MBNL2: variants seen among roughly 807,000 people sequenced by gnomAD.
The protein encoded by MBNL2 is muscleblind-like protein 2.
MBNL2 carries 17 observed loss-of-function variants against 41.9 expected under a neutral mutation model. The observed-to-expected ratio is 0.41, with a 90% CI of 0.28 to 0.61. The LOEUF is 0.61. Among genes scored for constraint, MBNL2 ranks in the 20% least tolerant of loss-of-function variants. The probability of loss-of-function intolerance (pLI) is 0.35; values close to 1 mark genes in which losing one functional copy is unlikely to be tolerated. For missense variants in MBNL2, 336 were observed against 505.6 expected, an observed-to-expected ratio of 0.66 and a Z score of 3.22; for synonymous variants, 195 against 182.9, an observed-to-expected ratio of 1.07 and a Z score of -0.53.
intron 2 of MBNL2, among the ~76,000 whole-genome samples, chr13:97,297,155 T>G (rs185394965): frequency 1.3e-4 from 20 of 152,304 alleles, no homozygotes; most frequent in Non-Finnish European, 2.2e-4. Flanking sequence ...TCTGTTAACT[T>G]TTCTGCTTTC....
At chr13:97,235,575 A>T (rs955514158) in intron 1 of MBNL2, among the ~76,000 whole-genome samples, 3 of 152,156 alleles carry the variant, frequency 2.0e-5, no homozygotes, top group African/African-American at 7.2e-5. Flanking sequence ...GTGGCTGTGG[A>T]TTTTTATTTG....
In MBNL2 at chr13:97,222,498, C is replaced by T. The variant is rs2040953390; in HGVS notation, c.-638C>T. 2.5e-6 allele frequency: 1 copy of T among 398,604 alleles called. No homozygotes were observed. The highest frequency in any genetic ancestry group is 4.4e-6 in the Non-Finnish European group (1 of 226,062). The allele number at this position is 398,604 out of a possible 1,614,324, so 24.7% of individuals were successfully genotyped here. ...GTTCTGCCAGATGTTCCTGGGGTTA[C>T]TGTAAATGGGAAGGACAGGCAGAGC... is the stretch of plus-strand genomic sequence containing the variant. On this transcript the variant is annotated 5_prime_UTR_variant, in exon 1 of 9. Transcript: ENST00000679496.
intron 2 of MBNL2, among the ~76,000 whole-genome samples, chr13:97,306,400 T>A (rs2058128465): frequency 6.6e-6 from 1 of 152,204 alleles, no homozygotes; most frequent in African/African-American, 2.4e-5. Flanking sequence ...CACTCTCACT[T>A]TTTCTCACTT....
At chr13:97,205,100 G>C in the MBNL2 span, among the ~76,000 whole-genome samples, 1 of 150,980 alleles carries the variant, frequency 6.6e-6, no homozygotes, top group Non-Finnish European at 1.5e-5. Flanking sequence ...GAACCCGGGA[G>C]GTGGAGGTTG....
At chr13:97,360,294 A>G (rs1482703741) in intron 7 of MBNL2, among the ~76,000 whole-genome samples, 1 of 152,222 alleles carries the variant, frequency 6.6e-6, no homozygotes, top group Non-Finnish European at 1.5e-5. Flanking sequence ...TTCTGCCTCC[A>G]GGTTGCAAAG....
At chr13:97,245,994 T>A (rs949500300) in intron 1 of MBNL2, among the ~76,000 whole-genome samples, 1 of 152,158 alleles carries the variant, frequency 6.6e-6, no homozygotes, top group African/African-American at 2.4e-5. Context: ...TTCTCCCTAA[T>A]TTAATGCTCC....
chr13:97,307,416 G>C (rs372138985), intron 2 of MBNL2, among the ~76,000 whole-genome samples: 1 of 151,472 alleles, frequency 6.6e-6, no homozygotes, highest in East Asian at 1.9e-4. Context: ...AACCTGGAGC[G>C]TATTTTCCCT....
intron 2 of MBNL2, among the ~76,000 whole-genome samples, chr13:97,302,880 G>A (rs16954010): frequency 0.046 from 7,073 of 152,262 alleles, 519 homozygotes; most frequent in African/African-American, 0.16. Context: ...GTGCCCTGCA[G>A]CCAAGCGTGT....
intron 1 of MBNL2, among the ~76,000 whole-genome samples, chr13:97,245,390 C>G (rs2045255267): frequency 6.6e-6 from 1 of 152,072 alleles, no homozygotes; most frequent in Non-Finnish European, 1.5e-5. Context: ...CATTTGCTAC[C>G]CTTGGCATAT....
At chr13:97,164,516 T>C in the MBNL2 span, among the ~76,000 whole-genome samples, 1 of 152,076 alleles carries the variant, frequency 6.6e-6, no homozygotes, top group Non-Finnish European at 1.5e-5. Flanking sequence ...AAGAAAACAA[T>C]TTAAATGCCT....
chr13:97,272,606 G>A (rs1331871843), intron 1 of MBNL2, among the ~76,000 whole-genome samples: 6 of 152,058 alleles, frequency 3.9e-5, no homozygotes, highest in Admixed American at 3.3e-4. Context: ...AATCCATCTT[G>A]AGTTAATTTT....
chr13:97,354,597 T>G (rs967925908), intron 5 of MBNL2, among the ~76,000 whole-genome samples: 1 of 152,212 alleles, frequency 6.6e-6, no homozygotes, highest in African/African-American at 2.4e-5. Flanking sequence ...TATTCTAAAT[T>G]CTATGGAAAT....
At chr13:97,171,747 G>A in the MBNL2 span, among the ~76,000 whole-genome samples, 1 of 152,132 alleles carries the variant, frequency 6.6e-6, no homozygotes, top group Admixed American at 6.5e-5. Flanking sequence ...TGGTTTGGCT[G>A]TGTCCCCACC....
chr13:97,274,614 T>C (rs2051794336), intron 1 of MBNL2, among the ~76,000 whole-genome samples: 1 of 152,228 alleles, frequency 6.6e-6, no homozygotes, highest in Non-Finnish European at 1.5e-5. Flanking sequence ...GGTATAAATT[T>C]TTTAGAAAGA....
the MBNL2 span, among the ~76,000 whole-genome samples, chr13:97,152,058 A>G: frequency 6.6e-6 from 1 of 152,192 alleles, no homozygotes; most frequent in Non-Finnish European, 1.5e-5. Flanking sequence ...GAGATAAAGA[A>G]ATTTGAAATT....
intron 2 of MBNL2, among the ~76,000 whole-genome samples, chr13:97,303,964 C>G (rs1005233958): frequency 1.3e-5 from 2 of 152,188 alleles, no homozygotes; most frequent in African/African-American, 4.8e-5. Context: ...CTTTTGGTCA[C>G]TGGATATAAT....
chr13:97,383,344 G>A (rs900113298), intron 8 of MBNL2, among the ~76,000 whole-genome samples: 7 of 152,158 alleles, frequency 4.6e-5, no homozygotes, highest in African/African-American at 1.4e-4. Context: ...GAGCATTCCC[G>A]TTTATGAATT....
intron 1 of MBNL2, among the ~76,000 whole-genome samples, chr13:97,244,657 GTTTGT>G (rs1369968334): frequency 2.0e-5 from 3 of 152,142 alleles, no homozygotes; most frequent in African/African-American, 7.2e-5. Flanking sequence ...ATAATGGCCT[GTTTGT>G]TTTGCTGCTG....
chr13:97,168,869 TGTCTC>T, the MBNL2 span, among the ~76,000 whole-genome samples: 16 of 152,338 alleles, frequency 1.1e-4, no homozygotes, highest in African/African-American at 3.8e-4. Flanking sequence ...TCTCATGCCT[TGTCTC>T]ATCTGATCTC....
Sources: gnomAD v4.1 joint callset for allele counts (sites outside exome capture counted in the v4.1 genomes callset) on GRCh38, gnomAD v4.1.1 for gene constraint, MANE v1.5 for transcripts, NCBI Gene and HGNC (gene_info 2026-07-23, HGNC 2026-07-21) for gene names.